The following TRIM14 variants were observed in gnomAD, a reference collection of about 807,000 sequenced individuals.
The protein encoded by TRIM14 is tripartite motif-containing protein 14.
A neutral mutation model predicts 44.5 loss-of-function variants in TRIM14; 28 were observed. The observed-to-expected ratio is 0.63, with a 90% CI of 0.47 to 0.86. The LOEUF (loss-of-function observed/expected upper bound fraction) is 0.86. Ranked by LOEUF, TRIM14 falls within the 40% of genes least tolerant of loss-of-function variation. The pLI is 0.00. For synonymous variants in TRIM14, 299 were observed against 269.2 expected (o/e 1.11, Z -1.08); for missense variants, 607 against 611.1 (o/e 0.99, Z 0.07).
rs1462218765 is a variant in TRIM14 at position 98,114,639 on chromosome 9, TTTGA to T, written c.207+4339_207+4342del. ...ACCCAGCCGACAATTTTTATTTTAC[TTTGA>T]TTCTTTTAAAAAAAGTCGTTTATAA... On this transcript the variant is annotated intron_variant, in intron 1 of 5. Transcript: ENST00000341469. 3.3e-5 allele frequency among the ~76,000 whole-genome samples: 5 copies of T among 152,312 alleles called. No homozygotes were observed. The East Asian group carries it at 9.6e-4, about 29-fold the overall frequency.
intron 1 of TRIM14, among the ~76,000 whole-genome samples, chr9:98,113,546 G>T (rs1473284430): frequency 1.3e-5 from 2 of 152,072 alleles, no homozygotes; most frequent in Non-Finnish European, 1.5e-5. Context: ...GTAGAGACAG[G>T]GTTTCACCAT....
the TRIM14 span, among the ~76,000 whole-genome samples, chr9:98,052,488 T>TAA: frequency 1.7e-4 from 26 of 150,154 alleles, no homozygotes; most frequent in South Asian, 6.3e-4. Context: ...TCTTTTTTCT[T>TAA]AAAAAAAAAA....
At chr9:98,040,365 T>C in the TRIM14 span, among the ~76,000 whole-genome samples, 1 of 152,080 alleles carries the variant, frequency 6.6e-6, no homozygotes, top group African/African-American at 2.4e-5. Context: ...TGGCCACTGG[T>C]GTCTTCTCGT....
intron 3 of TRIM14, among the ~76,000 whole-genome samples, chr9:98,097,440 T>A (rs1474518778): frequency 6.6e-6 from 1 of 152,188 alleles, no homozygotes; most frequent in Admixed American, 6.5e-5. Flanking sequence ...ATATACAGTG[T>A]GCTCCTACTC....
the TRIM14 span, among the ~76,000 whole-genome samples, chr9:98,044,955 C>T: frequency 6.6e-6 from 1 of 151,832 alleles, no homozygotes; most frequent in Admixed American, 6.6e-5. Flanking sequence ...TCTATTAAAA[C>T]ACAAAAAATT....
At chr9:98,115,139 G>A (rs1827002278) in intron 1 of TRIM14, among the ~76,000 whole-genome samples, 1 of 151,944 alleles carries the variant, frequency 6.6e-6, no homozygotes, top group Non-Finnish European at 1.5e-5. Flanking sequence ...ACCCAGGCTG[G>A]AGTGCAGTGG....
At chr9:98,070,468 C>T (rs759590363) in intron 6 of TRIM14, among the ~76,000 whole-genome samples, 5 of 151,474 alleles carry the variant, frequency 3.3e-5, no homozygotes, top group Non-Finnish European at 5.9e-5. Flanking sequence ...TTGGCCAGGC[C>T]GGAGTGCAAT....
chr9:98,087,683 C>T lies in TRIM14; in HGVS notation c.1116G>A (p.Trp372Ter), dbSNP rs756632629. ...GGCTGCGCTGGCCGTCGTGGAAGGC[C>T]CAGTACTCAAGGTCGTAGCGCTTGA... ...WCLKRYDLEYWAFHDGQRSRL... is the reference protein window; with the variant it reads ...WCLKRYDLEY Residue 372 changes from tryptophan to a stop codon, truncating the protein, a stop_gained, in exon 6 of 6, where the codon TGG becomes TGA. Coordinates refer to ENST00000341469, the MANE Select transcript of TRIM14 (RefSeq NM_014788.4). LOFTEE classifies it high-confidence loss of function. The T allele has an allele frequency of 1.2e-6, 2 of 1,601,850 alleles. No homozygotes were observed. Among genetic ancestry groups the T allele is most frequent in the Non-Finnish European group, 1.7e-6 (2 of 1,178,668 alleles).
chr9:98,042,570 T>G, the TRIM14 span, among the ~76,000 whole-genome samples: 2 of 152,142 alleles, frequency 1.3e-5, no homozygotes, highest in Non-Finnish European at 2.9e-5. Flanking sequence ...AGTCAGCTTA[T>G]TTATTAAAGA....
At chr9:98,106,545 C>T (rs1350927865) in intron 2 of TRIM14, among the ~76,000 whole-genome samples, 1 of 152,174 alleles carries the variant, frequency 6.6e-6, no homozygotes, top group East Asian at 1.9e-4. Context: ...AATTTTTATA[C>T]AAATATGTCT....
chr9:98,062,331 T>G, the TRIM14 span, among the ~76,000 whole-genome samples: 2 of 152,010 alleles, frequency 1.3e-5, no homozygotes, highest in East Asian at 1.9e-4. Context: ...GCTCACAGGA[T>G]GGTCACCGGT....
At chr9:98,098,640 C>T (rs752501576) in intron 3 of TRIM14, among the ~76,000 whole-genome samples, 1 of 151,016 alleles carries the variant, frequency 6.6e-6, no homozygotes, top group Non-Finnish European at 1.5e-5. Context: ...GGAGGTGGAG[C>T]TTGCTGTAAG....
intron 2 of TRIM14, among the ~76,000 whole-genome samples, chr9:98,108,146 G>C (rs921849561): frequency 5.4e-5 from 8 of 148,612 alleles, no homozygotes; most frequent in African/African-American, 9.9e-5. Flanking sequence ...GGGCAAACTA[G>C]GTCAAGGTAC....
At chr9:98,082,398 TC>T (rs1829910927), downstream of TRIM14, among the ~76,000 whole-genome samples, 1 of 152,152 alleles carries the variant, frequency 6.6e-6, no homozygotes, top group Non-Finnish European at 1.5e-5. Context: ...GGCCTCAGTT[TC>T]CCCATGTTTA....
chr9:98,119,069 G>C lies in TRIM14; in HGVS notation c.120C>G (p.Arg40=), dbSNP rs988690356. The change falls in exon 1 of 6, where the codon CGC becomes CGG. Residue 40 remains arginine, a synonymous_variant. Transcript: ENST00000341469. ...RVAELFCRRC[R]RCVCALCPVL... ...CCGGGCAAAGCGCGCACACGCAGCG[G>C]CGGCAGCGGCGACAGAAGAGCTCAG... 1.9e-6 allele frequency: 3 copies of C among 1,581,060 alleles called. No individual in the cohort carries two copies. The Admixed American group carries it at 5.1e-5, about 27-fold the overall frequency.
downstream of TRIM14, chr9:98,082,937 G>A: frequency 6.2e-7 from 1 of 1,614,162 alleles, no homozygotes; most frequent in Non-Finnish European, 8.5e-7. Flanking sequence ...GAGCCCAAAG[G>A]CTATCCTCCT....
At chr9:98,072,389 G>A (rs1482683329) in intron 6 of TRIM14, among the ~76,000 whole-genome samples, 4 of 152,024 alleles carry the variant, frequency 2.6e-5, no homozygotes, top group African/African-American at 9.7e-5. Flanking sequence ...CCTGACCTAG[G>A]GCACAGGCAG....
chr9:98,057,949 G>T, the TRIM14 span, among the ~76,000 whole-genome samples: 1 of 92,502 alleles, frequency 1.1e-5, no homozygotes, highest in East Asian at 3.0e-4. Context: ...TTTTGAGACA[G>T]GGTCTCTGTA....
chr9:98,057,018 C>A, the TRIM14 span: 12 of 1,442,602 alleles, frequency 8.3e-6, no homozygotes, highest in South Asian at 7.1e-5. Context: ...CAGGGCCACA[C>A]GGCCTCCGCG....
Sources: gnomAD v4.1 joint callset for allele counts (sites outside exome capture counted in the v4.1 genomes callset) on GRCh38, gnomAD v4.1.1 for gene constraint, MANE v1.5 for transcripts, NCBI Gene and HGNC (gene_info 2026-07-23, HGNC 2026-07-21) for gene names.